The following NTN1 variants were observed in gnomAD, a reference collection of about 807,000 sequenced individuals.
NTN1 encodes netrin 1.
In NTN1, 11 loss-of-function variants were observed where a neutral mutation model predicts 54.2. The ratio of observed to expected loss-of-function variants is 0.20; its 90% CI spans 0.13 to 0.34. The LOEUF (loss-of-function observed/expected upper bound fraction) is 0.34. Ranked by LOEUF, NTN1 falls within the 10% of genes least tolerant of loss-of-function variation. The pLI is 1.00. For synonymous variants in NTN1, 371 were observed against 382.0 expected, an observed-to-expected ratio of 0.97 and a Z score of 0.33; for missense variants, 740 against 893.1, an observed-to-expected ratio of 0.83 and a Z score of 2.18.
chr17:9,059,730 A>G (rs1464155653), intron 2 of NTN1, among the ~76,000 whole-genome samples: 1 of 152,164 alleles, frequency 6.6e-6, no homozygotes, highest in East Asian at 1.9e-4. Context: ...GAAACTAGAC[A>G]GAGGTGATGG....
chr17:9,144,424 CA>C (rs1180267527), intron 2 of NTN1, among the ~76,000 whole-genome samples: 1 of 152,134 alleles, frequency 6.6e-6, no homozygotes, highest in African/African-American at 2.4e-5. Flanking sequence ...TAGAGGTGAT[CA>C]AACACACCCA....
chr17:9,160,491 G>T (rs2092354214), intron 2 of NTN1, among the ~76,000 whole-genome samples: 1 of 152,172 alleles, frequency 6.6e-6, no homozygotes, highest in South Asian at 2.1e-4. Context: ...AAAACTAGAT[G>T]TATAAAAGTA....
intron 2 of NTN1, among the ~76,000 whole-genome samples, chr17:9,079,903 G>T (rs1171695220): frequency 6.6e-6 from 1 of 151,066 alleles, no homozygotes; most frequent in Non-Finnish European, 1.5e-5. Flanking sequence ...CTTGTTTACT[G>T]GCCCCTAAGG....
At chr17:9,073,568 A>G (rs994497725) in intron 2 of NTN1, among the ~76,000 whole-genome samples, 1 of 152,230 alleles carries the variant, frequency 6.6e-6, no homozygotes, top group Non-Finnish European at 1.5e-5. Context: ...TGAGAGGACC[A>G]TAGAGATCCT....
At chr17:9,143,264 G>A (rs1597504160) in intron 2 of NTN1, among the ~76,000 whole-genome samples, 1 of 152,368 alleles carries the variant, frequency 6.6e-6, no homozygotes, top group East Asian at 1.9e-4. Context: ...GGCAGCAGGG[G>A]GAGGAGTGGA....
In NTN1 at chr17:9,219,613, C is replaced by T. The variant is rs1905286678; in HGVS notation, c.1412-1555C>T. On this transcript the variant is annotated intron_variant, in intron 5 of 6. Coordinates refer to ENST00000173229, the MANE Select transcript of NTN1 (RefSeq NM_004822.3). The surrounding 1 kb of genome is among the most constrained non-coding windows in gnomAD (Gnocchi z 4.5). ...TCAGGACCTCGATGGAGGCAGTGGC[C>T]TTCACAGGCCAGAGGCCAGCCCTGG... Among the ~76,000 whole-genome samples, 1 of 152,214 alleles carries T rather than the reference C, an allele frequency of 6.6e-6. No individual in the cohort carries two copies. The highest frequency in any genetic ancestry group is 1.5e-5 in the Non-Finnish European group (1 of 68,038).
At chr17:9,053,261 G>C (rs1175655691) in intron 2 of NTN1, among the ~76,000 whole-genome samples, 3 of 152,134 alleles carry the variant, frequency 2.0e-5, no homozygotes, top group South Asian at 2.1e-4. Flanking sequence ...AGAAAAATTT[G>C]TTGACCCTTC....
At chr17:9,068,887 G>T (rs148241152) in intron 2 of NTN1, among the ~76,000 whole-genome samples, 112 of 152,158 alleles carry the variant, frequency 7.4e-4, no homozygotes, top group Admixed American at 1.8e-3. Context: ...TTCCAAAAGG[G>T]GCTCTAAGAT....
intron 2 of NTN1, among the ~76,000 whole-genome samples, chr17:9,127,076 G>C (rs904592035): frequency 1.4e-5 from 2 of 146,332 alleles, no homozygotes; most frequent in Non-Finnish European, 3.0e-5. Context: ...AGGGCCGGGG[G>C]GGGGCAGGAC....
chr17:9,010,232 C>T, the NTN1 span, among the ~76,000 whole-genome samples: 2 of 152,200 alleles, frequency 1.3e-5, no homozygotes, highest in Non-Finnish European at 1.5e-5. Flanking sequence ...ATGAAGAACT[C>T]CTGGGGTCCC....
intron 2 of NTN1, among the ~76,000 whole-genome samples, chr17:9,035,556 G>A (rs1422395125): frequency 6.6e-6 from 1 of 152,086 alleles, no homozygotes; most frequent in East Asian, 1.9e-4. Context: ...GGGTCCTAGG[G>A]TTTGGGCATC....
intron 5 of NTN1, among the ~76,000 whole-genome samples, chr17:9,193,920 T>TAAAAA (rs71361871): frequency 0.1 from 4,504 of 44,530 alleles, 600 homozygotes; most frequent in Non-Finnish European, 0.13. Context: ...AAACTCCGAC[T>TAAAAA]AAAAAAAAAA....
At chr17:9,214,307 T>C (rs1358707261) in intron 5 of NTN1, among the ~76,000 whole-genome samples, 1 of 152,248 alleles carries the variant, frequency 6.6e-6, no homozygotes, top group African/African-American at 2.4e-5. Context: ...TCTGTCTGTT[T>C]CATTTTTGTA....
chr17:9,116,395 G>A (rs2092212532), intron 2 of NTN1, among the ~76,000 whole-genome samples: 1 of 146,968 alleles, frequency 6.8e-6, no homozygotes, highest in South Asian at 2.2e-4. Flanking sequence ...TCCAGAAGTC[G>A]AGCTGGGTGA....
chr17:9,108,329 G>A (rs1325597350), intron 2 of NTN1, among the ~76,000 whole-genome samples: 1 of 152,084 alleles, frequency 6.6e-6, no homozygotes, highest in Admixed American at 6.6e-5. Flanking sequence ...CATAGCTCTG[G>A]CACAATCCAC....
intron 6 of NTN1, among the ~76,000 whole-genome samples, chr17:9,230,293 G>T (rs578206703): frequency 1.3e-5 from 2 of 152,244 alleles, no homozygotes; most frequent in East Asian, 3.9e-4. Flanking sequence ...TGATGTGATG[G>T]CTGCGAAAGG....
chr17:9,042,038 G>C lies in NTN1; in HGVS notation c.1018+18647G>C, dbSNP rs560255179. On this transcript the variant is annotated intron_variant, in intron 2 of 6. Transcript: ENST00000173229. ...AAAAAAAAAAAAAAGACAACTAACT[G>C]TGTTTAACTTTTTGAGGAATGCCAG... 9.9e-3 allele frequency among the ~76,000 whole-genome samples: 1,500 copies of C among 151,392 alleles called. 26 individuals are homozygous for C. The highest frequency in any genetic ancestry group is 0.032 in the African/African-American group (1,319 of 41,256).
intron 2 of NTN1, among the ~76,000 whole-genome samples, chr17:9,065,387 T>A (rs2092011973): frequency 1.3e-5 from 2 of 152,348 alleles, no homozygotes; most frequent in South Asian, 4.1e-4. Context: ...CACCTGTTCT[T>A]CCCACTCTTC....
At chr17:9,077,998 T>C (rs1370646169) in intron 2 of NTN1, among the ~76,000 whole-genome samples, 1 of 152,144 alleles carries the variant, frequency 6.6e-6, no homozygotes, top group Admixed American at 6.6e-5. Flanking sequence ...TCCCAGATGG[T>C]GGTTAAGCAC....
Sources: gnomAD v4.1 joint callset for allele counts (sites outside exome capture counted in the v4.1 genomes callset) on GRCh38, gnomAD v4.1.1 for gene constraint, Gnocchi (gnomAD v3.1) non-coding constraint, MANE v1.5 for transcripts, NCBI Gene and HGNC (gene_info 2026-07-23, HGNC 2026-07-21) for gene names.